TRAPPC10: variants seen among roughly 807,000 people sequenced by gnomAD.
TRAPPC10 encodes TRAPP 130 kDa subunit.
A neutral mutation model predicts 125.5 loss-of-function variants in TRAPPC10; 23 were observed. The observed-to-expected ratio is 0.18, with a 90% confidence interval of 0.13 to 0.26. The LOEUF (loss-of-function observed/expected upper bound fraction) is 0.26, where lower values mean the gene tolerates loss of function less well. Among genes scored for constraint, TRAPPC10 ranks in the 10% least tolerant of loss-of-function variants. The pLI, the probability that TRAPPC10 is intolerant of heterozygous loss-of-function variation, is 1.00. For synonymous variants in TRAPPC10, 509 were observed against 518.0 expected (o/e 0.98, Z 0.24); for missense variants, 1,123 against 1,308.4 (o/e 0.86, Z 2.19).
At position 44,093,983 on chromosome 21, in the gene TRAPPC10, G is replaced by A. The variant is rs2038756514; in HGVS notation, c.2998-80G>A. On this transcript the variant is annotated intron_variant, in intron 19 of 22. Transcript: ENST00000291574. ...GTGTCTGCTCAGCACCCTTCGCATG[G>A]CGTGTGTTTCGCTGCAGTGTCTGTG... 4 of 1,444,144 alleles carry A rather than the reference G, an allele frequency of 2.8e-6. No individual in the cohort carries two copies. In the African/African-American group the frequency reaches 4.3e-5, roughly 15 times the overall value. The allele number at this position is 1,444,144 out of a possible 1,614,324, so 89.5% of individuals were successfully genotyped here.
intron 19 of TRAPPC10, among the ~76,000 whole-genome samples, chr21:44,092,478 C>T (rs987071678): frequency 6.6e-6 from 1 of 152,158 alleles, no homozygotes; most frequent in Admixed American, 6.5e-5. Context: ...GTTTATGGCT[C>T]GCTGCCTGGA....
chr21:44,086,621 C>A (rs1022801712), intron 15 of TRAPPC10, among the ~76,000 whole-genome samples, 181 bp from the exon 16 acceptor site: 6 of 152,154 alleles, frequency 3.9e-5, no homozygotes, highest in African/African-American at 1.4e-4. Context: ...ACCCTGTAGT[C>A]CACATCATTG....
intron 3 of TRAPPC10, among the ~76,000 whole-genome samples, chr21:44,044,688 CAG>C (rs1404369544): frequency 1.9e-5 from 2 of 103,330 alleles, no homozygotes; most frequent in Non-Finnish European, 3.5e-5. Flanking sequence ...TTTTTTGAGA[CAG>C]AGTTTCGCTC....
chr21:44,047,332 C>T (rs1237576137), intron 3 of TRAPPC10, among the ~76,000 whole-genome samples: 2 of 152,076 alleles, frequency 1.3e-5, no homozygotes, highest in East Asian at 3.9e-4. Context: ...AGGCGTGTGC[C>T]ACCGTACCCG....
intron 3 of TRAPPC10, 140 bp downstream of exon 3, chr21:44,038,067 A>C: frequency 8.0e-7 from 1 of 1,243,448 alleles, no homozygotes; most frequent in Non-Finnish European, 1.1e-6. Flanking sequence ...TGTGAGTACC[A>C]GTGGGGGAAG....
intron 9 of TRAPPC10, 125 bp downstream of exon 9, chr21:44,075,278 C>G: frequency 1.5e-6 from 1 of 667,506 alleles, no homozygotes; most frequent in Non-Finnish European, 2.6e-6. Context: ...GAAAATTATA[C>G]CCATTGTTAG....
At chr21:44,036,604 A>G (rs2034002660) in intron 2 of TRAPPC10, among the ~76,000 whole-genome samples, 1 of 152,174 alleles carries the variant, frequency 6.6e-6, no homozygotes, top group Non-Finnish European at 1.5e-5. Context: ...AAGTGAATAC[A>G]AATATTTTCA....
At chr21:44,021,989 A>G (rs2032551228) in intron 1 of TRAPPC10, among the ~76,000 whole-genome samples, 1 of 152,092 alleles carries the variant, frequency 6.6e-6, no homozygotes. Flanking sequence ...GAAAACAAAA[A>G]ACTGTTTTCT....
intron 3 of TRAPPC10, among the ~76,000 whole-genome samples, chr21:44,048,239 C>T (rs958921458): frequency 6.6e-6 from 1 of 152,184 alleles, no homozygotes; most frequent in Non-Finnish European, 1.5e-5. Context: ...CTAACACAGT[C>T]CTAGGAAGTC....
chr21:44,095,195 G>A (rs1426090533), intron 20 of TRAPPC10, among the ~76,000 whole-genome samples: 5 of 150,662 alleles, frequency 3.3e-5, no homozygotes, highest in Admixed American at 6.6e-5. Flanking sequence ...CCACAGGCAC[G>A]TGTCACCACA....
intron 7 of TRAPPC10, among the ~76,000 whole-genome samples, chr21:44,066,741 A>G (rs545339313): frequency 6.6e-5 from 10 of 152,272 alleles, no homozygotes; most frequent in Non-Finnish European, 1.5e-4. Context: ...ATTCTTTGCA[A>G]TTGCAGCAGT....
In TRAPPC10 at chr21:44,055,716, C is replaced by T. The variant is rs756228396; in HGVS notation, c.501C>T (p.Asp167=). 5.6e-6 allele frequency: 9 copies of T among 1,608,502 alleles called. No individual in the cohort carries two copies. The Admixed American group carries it at 1.3e-4, about 24-fold the overall frequency. The change falls in exon 5 of 23, where the codon GAC becomes GAT. Residue 167 remains aspartate (D), a synonymous_variant. Coordinates refer to ENST00000291574, the MANE Select transcript of TRAPPC10 (RefSeq NM_003274.5). The part of the protein sequence containing the change: ...KQSDRCVVLS[D]PLKDSSRTQE... ...TTTGCAGGTGTGTTGTGCTCTCCGACCCCTTGAAGGACTCTTCTCGAACTC... is the reference window on the plus strand; with the variant it reads ...TTTGCAGGTGTGTTGTGCTCTCCGATCCCTTGAAGGACTCTTCTCGAACTC...
At chr21:44,012,628 C>T (rs1382835356) in intron 1 of TRAPPC10, 68 bp downstream of exon 1, 9 of 1,400,288 alleles carry the variant, frequency 6.4e-6, no homozygotes, top group South Asian at 2.5e-5. Flanking sequence ...GTTATGCACC[C>T]GGCGCCCCCA....
chr21:44,076,830 C>G (rs536645858), intron 10 of TRAPPC10, among the ~76,000 whole-genome samples: 1 of 152,108 alleles, frequency 6.6e-6, no homozygotes, highest in Admixed American at 6.5e-5. Context: ...TGGTACCATG[C>G]TAGGCATGGA....
intron 12 of TRAPPC10, 119 bp downstream of exon 12, chr21:44,079,823 A>G (rs1427958674): frequency 2.3e-5 from 27 of 1,168,106 alleles, no homozygotes; most frequent in Non-Finnish European, 2.9e-5. Context: ...TAACTTATAC[A>G]TATGTATTGT....
chr21:44,094,288 A>G (rs1177281378), intron 20 of TRAPPC10, 55 bp downstream of exon 20: 4 of 1,495,066 alleles, frequency 2.7e-6, no homozygotes, highest in Admixed American at 3.6e-5. Flanking sequence ...AGATGGCATT[A>G]TGTTCTTTAT....
chr21:44,087,848 A>G lies in TRAPPC10; in HGVS notation c.2689A>G (p.Met897Val), dbSNP rs1490901907. ...CCCAGCACTCGGAGGGGAGAGTGAC[A>G]TGCTGGGGATGGCAGAGCCCCACAG... ...SAPALGGESD[M>V]LGMAEPHRKH... Residue 897 changes from methionine (M) to valine (V), a missense_variant, in exon 17 of 23, where the codon ATG (methionine) becomes GTG (valine). Around this residue, in one of 4 missense-constraint regions of TRAPPC10, gnomAD observed 840 missense variants for 902.0 expected, o/e 0.93. Transcript: ENST00000291574. The surrounding 1 kb of genome is among the most constrained non-coding windows in gnomAD (Gnocchi z 4.6). 6.2e-7 allele frequency: 1 copy of G among 1,614,116 alleles called. No homozygotes were observed. Among genetic ancestry groups the G allele is most frequent in the African/African-American group, 1.3e-5 (1 of 74,948 alleles).
At position 44,063,768 on chromosome 21, in the gene TRAPPC10, G is replaced by A; in HGVS notation, c.1021G>A (p.Glu341Lys). 6.2e-7 allele frequency: 1 copy of A among 1,613,770 alleles called. No homozygotes were observed. The highest frequency in any genetic ancestry group is 8.5e-7 in the Non-Finnish European group (1 of 1,179,900). Reference protein sequence around the residue: ...ALELLHNCVQELKLLEVSVPP... With the variant: ...ALELLHNCVQKLKLLEVSVPP... ...AGAGCTGCTGCACAACTGCGTGCAGGAACTGAAGCTCTTAGAAGTGAGTCG... is the reference window on the plus strand; with the variant it reads ...AGAGCTGCTGCACAACTGCGTGCAGAAACTGAAGCTCTTAGAAGTGAGTCG... The change falls in exon 7 of 23, where the codon GAA becomes AAA. Residue 341 changes from glutamate to lysine, a missense_variant. Physicochemically the swap from Glu to Lys is moderately conservative, Grantham distance 56. Transcript: ENST00000291574. The surrounding 1 kb of genome is among the most constrained non-coding windows in gnomAD (Gnocchi z 4.4).
At chr21:44,022,062 T>G (rs1221937894) in intron 1 of TRAPPC10, among the ~76,000 whole-genome samples, 1 of 151,734 alleles carries the variant, frequency 6.6e-6, no homozygotes, top group Non-Finnish European at 1.5e-5. Flanking sequence ...TTTTTTTCTT[T>G]CATGGTATTT....
Sources: allele counts gnomAD v4.1 joint callset (sites outside exome capture counted in the v4.1 genomes callset), GRCh38; gene constraint gnomAD v4.1.1; regional missense constraint gnomAD v4.1.1; non-coding constraint Gnocchi (gnomAD v3.1); transcripts MANE v1.5; gene names NCBI Gene and HGNC (gene_info 2026-07-23, HGNC 2026-07-21).